Variants in ITIH2 observed in about 807,000 individuals in gnomAD.
The protein encoded by ITIH2 is inter-alpha-trypsin inhibitor heavy chain 2.
A neutral mutation model predicts 104.4 loss-of-function variants in ITIH2; 103 were observed. The observed-to-expected ratio is 0.99, with a 90% confidence interval of 0.84 to 1.16. ITIH2 has a LOEUF of 1.16. ITIH2 is among the 50% of genes most tolerant of loss of function. ITIH2 has a pLI of 0.00. For synonymous variants in ITIH2, 436 were observed against 435.4 expected (o/e 1.00, Z -0.02); for missense variants, 1,108 against 1,162.4 (o/e 0.95, Z 0.68).
chr10:7,736,093 T>C (rs1835053248), intron 15 of ITIH2, among the ~76,000 whole-genome samples: 1 of 152,084 alleles, frequency 6.6e-6, no homozygotes, highest in Non-Finnish European at 1.5e-5. Context: ...TGGCCAGTCA[T>C]GGTGGCTCAT....
chr10:7,708,727 C>T (rs955213366), intron 3 of ITIH2, among the ~76,000 whole-genome samples: 5 of 152,066 alleles, frequency 3.3e-5, no homozygotes, highest in Admixed American at 6.6e-5. Context: ...CTTCCCACAC[C>T]GTTTTCTACT....
intron 5 of ITIH2, among the ~76,000 whole-genome samples, chr10:7,717,275 G>A (rs1035398253): frequency 2.0e-5 from 3 of 152,126 alleles, no homozygotes; most frequent in Non-Finnish European, 4.4e-5. Flanking sequence ...TTTATCATCT[G>A]AAAAGTCAGG....
intron 8 of ITIH2, 139 bp from the exon 9 acceptor site, chr10:7,723,312 A>G: frequency 1.4e-6 from 1 of 693,326 alleles, no homozygotes; most frequent in Non-Finnish European, 2.6e-6. Flanking sequence ...GCAGGCAGGA[A>G]AATGTGGAGG....
intron 12 of ITIH2, among the ~76,000 whole-genome samples, chr10:7,730,987 C>T (rs929594051): frequency 6.6e-6 from 1 of 152,158 alleles, no homozygotes; most frequent in Non-Finnish European, 1.5e-5. Context: ...GCTGCGATCT[C>T]GGCTCACTGC....
At chr10:7,721,844 A>G in intron 8 of ITIH2, 67 bp downstream of exon 8, 1 of 1,579,046 alleles carries the variant, frequency 6.3e-7, no homozygotes, top group South Asian at 1.2e-5. Context: ...TTTTGAACAA[A>G]CTCCCAGGCC....
At position 7,713,282 on chromosome 10, in the gene ITIH2, T is replaced by A. The variant is rs1013517853; in HGVS notation, c.464T>A (p.Val155Glu). Residue 155 changes from valine to glutamate, a missense_variant, in exon 5 of 21, where the codon GTG becomes GAG. Physicochemically the swap from Val to Glu is moderately radical, Grantham distance 121. Transcript: ENST00000358415. Reference sequence around the variant, plus strand: ...GCAAAAGGCAAGACGGCTGGCTTGGTGAGGTAAGGCCTGAGTGAGCAAGGC... The same window carrying A: ...GCAAAAGGCAAGACGGCTGGCTTGGAGAGGTAAGGCCTGAGTGAGCAAGGC... The part of the protein sequence containing the change: ...ARAKGKTAGL[V>E]RSSALDMENF... 6.2e-7 allele frequency: 1 copy of A among 1,612,916 alleles called. No homozygotes were observed. The highest frequency in any genetic ancestry group is 8.5e-7 in the Non-Finnish European group (1 of 1,178,952).
In ITIH2 at chr10:7,721,705, G is replaced by C. The variant is rs1026968652; in HGVS notation, c.795G>C (p.Arg265=). The change falls in exon 8 of 21, where the codon CGG becomes CGC. Residue 265 remains arginine, a synonymous_variant. Coordinates refer to ENST00000358415, the MANE Select transcript of ITIH2 (RefSeq NM_002216.3). ...AGCAGAGAATATGCCCTAACTGCCGGGAGACTGCGGTAGATGGGGAACTGG... is the reference window on the plus strand; with the variant it reads ...AGCAGAGAATATGCCCTAACTGCCGCGAGACTGCGGTAGATGGGGAACTGG... The part of the protein sequence containing the change: ...VAQQRICPNC[R]ETAVDGELVV... 6.2e-7 allele frequency: 1 copy of C among 1,613,846 alleles called. No individual in the cohort carries two copies. Among genetic ancestry groups the C allele is most frequent in the Non-Finnish European group, 8.5e-7 (1 of 1,179,766 alleles).
chr10:7,743,673 C>G (rs1307186607), intron 17 of ITIH2, among the ~76,000 whole-genome samples: 3 of 151,958 alleles, frequency 2.0e-5, no homozygotes, highest in African/African-American at 7.3e-5. Context: ...CCCAGCTACT[C>G]AGGAGGCTGA....
In ITIH2 at chr10:7,746,067, TTAAAAAAA is replaced by T. The variant is rs1240071748; in HGVS notation, c.2582-525_2582-518del. ...CCACACCCGGCCCCAAATCTTAAAT[TTAAAAAAA>T]AAAAAAAAAAAAAAAAAAAAAAAAA... On this transcript the variant is annotated intron_variant, in intron 19 of 20. Coordinates refer to ENST00000358415, the MANE Select transcript of ITIH2 (RefSeq NM_002216.3). Among the ~76,000 whole-genome samples the T allele has an allele frequency of 7.6e-3, 390 of 51,092 alleles. 5 individuals carry two copies. Among genetic ancestry groups the T allele is most frequent in the Middle Eastern group, 0.041 (3 of 74 alleles). The allele number at this position is 51,092 out of a possible 152,430, so 33.5% of individuals were successfully genotyped here. A position where few individuals can be genotyped will look rare whatever the true frequency, so the allele number is the denominator to read the frequency against.
chr10:7,707,731 A>C (rs1834760823), intron 3 of ITIH2, among the ~76,000 whole-genome samples: 1 of 151,874 alleles, frequency 6.6e-6, no homozygotes, highest in African/African-American at 2.4e-5. Flanking sequence ...CGCCCAGCTA[A>C]TTTTTGTGTT....
At chr10:7,739,496 T>C (rs1835104880) in intron 16 of ITIH2, among the ~76,000 whole-genome samples, 1 of 152,136 alleles carries the variant, frequency 6.6e-6, no homozygotes, top group African/African-American at 2.4e-5. Context: ...GACCTTTCCA[T>C]CAGGAAAGCC....
intron 4 of ITIH2, among the ~76,000 whole-genome samples, chr10:7,710,043 G>A (rs1188024068): frequency 5.3e-5 from 8 of 152,222 alleles, no homozygotes; most frequent in South Asian, 2.1e-4. Flanking sequence ...TAGTAGAGAC[G>A]GAGTTTCACC....
intron 5 of ITIH2, among the ~76,000 whole-genome samples, chr10:7,715,777 C>T (rs999779397): frequency 6.6e-6 from 1 of 152,172 alleles, no homozygotes; most frequent in Non-Finnish European, 1.5e-5. Context: ...CACTCTATCA[C>T]CCTGGATAGA....
Position 7,727,735 on chromosome 10 carries a change from A to G in ITIH2, c.1186A>G (p.Ile396Val), listed in dbSNP as rs141611690. The part of the protein sequence containing the change: ...TNINEALLRA[I>V]FILNEANNLG... ...CATCAACGAAGCACTCCTACGGGCA[A>G]TCTTCATTTTGAATGAAGCCAATAA... is the stretch of plus-strand genomic sequence containing the variant. The change falls in exon 11 of 21, where the codon ATC becomes GTC. Residue 396 changes from isoleucine to valine, a missense_variant. Coordinates refer to ENST00000358415, the MANE Select transcript of ITIH2 (RefSeq NM_002216.3). The G allele has an allele frequency of 2.5e-5, 40 of 1,614,018 alleles. No homozygotes were observed. In the African/African-American group the frequency reaches 4.7e-4, roughly 19 times the overall value.
intron 2 of ITIH2, among the ~76,000 whole-genome samples, chr10:7,706,455 T>C (rs1834747889): frequency 6.6e-6 from 1 of 152,208 alleles, no homozygotes; most frequent in African/African-American, 2.4e-5. Flanking sequence ...ATGGATAATC[T>C]CCTAGCATGG....
intron 2 of ITIH2, among the ~76,000 whole-genome samples, chr10:7,705,500 G>C (rs1834738035): frequency 6.6e-6 from 1 of 152,038 alleles, no homozygotes; most frequent in Non-Finnish European, 1.5e-5. Context: ...GAGGCCAGGA[G>C]TTCCAGATCA....
chr10:7,732,505 G>A lies in ITIH2; in HGVS notation c.1787+28G>A, dbSNP rs193218254. 432 of 1,597,102 alleles carry A rather than the reference G, an allele frequency of 2.7e-4. 2 individuals are homozygous for A. In the African/African-American group the frequency reaches 4.8e-3, roughly 18 times the overall value. On this transcript the variant is annotated intron_variant, in intron 14 of 20. Transcript: ENST00000358415. ...AAGAAGAGAAGAGTACCCACACCAC[G>A]AGATCTGCAAAACTGAAATGTCCAC...
intron 12 of ITIH2, among the ~76,000 whole-genome samples, chr10:7,730,459 C>T (rs1834992135): frequency 6.6e-6 from 1 of 152,154 alleles, no homozygotes; most frequent in Non-Finnish European, 1.5e-5. Context: ...TCATCATGGC[C>T]AACCGTTTTC....
At chr10:7,732,046 C>G in intron 13 of ITIH2, 50 bp downstream of exon 13, 1 of 1,412,672 alleles carries the variant, frequency 7.1e-7, no homozygotes, top group Non-Finnish European at 9.9e-7. Flanking sequence ...CCCCTAGATA[C>G]AGTCCCTCTT....
Sources: allele counts gnomAD v4.1 joint callset (sites outside exome capture counted in the v4.1 genomes callset), GRCh38; gene constraint gnomAD v4.1.1; transcripts MANE v1.5; gene names NCBI Gene and HGNC (gene_info 2026-07-23, HGNC 2026-07-21).